SPAG9: variants seen among roughly 807,000 people sequenced by gnomAD.
SPAG9 encodes sperm associated antigen 9.
In SPAG9, 35 loss-of-function variants were observed where a neutral mutation model predicts 166.5. The ratio of observed to expected loss-of-function variants is 0.21; its 90% CI spans 0.16 to 0.28. The LOEUF is 0.28. Ranked by LOEUF, SPAG9 falls within the 10% of genes least tolerant of loss-of-function variation. The pLI, the probability that SPAG9 is intolerant of heterozygous loss-of-function variation, is 1.00. For synonymous variants in SPAG9, 534 were observed against 565.5 expected, an observed-to-expected ratio of 0.94 and a Z score of 0.79; for missense variants, 1,235 against 1,603.3, an observed-to-expected ratio of 0.77 and a Z score of 3.92.
chr17:51,031,372 G>C, intron 6 of SPAG9: 1 of 364,994 alleles, frequency 2.7e-6, no homozygotes, highest in Non-Finnish European at 5.1e-6. Flanking sequence ...CCCTGAAGAA[G>C]GTATTTCTGG....
At chr17:51,018,045 G>T (rs888307985) in intron 8 of SPAG9, among the ~76,000 whole-genome samples, 1 of 152,094 alleles carries the variant, frequency 6.6e-6, no homozygotes, top group African/African-American at 2.4e-5. Context: ...ACATTCTTGA[G>T]CATCAATGTA....
chr17:51,069,426 T>C (rs1471954824), intron 2 of SPAG9, among the ~76,000 whole-genome samples: 3 of 152,080 alleles, frequency 2.0e-5, no homozygotes, highest in Admixed American at 2.0e-4. Flanking sequence ...TTTAGGTGAT[T>C]TGAAAAACAG....
In SPAG9 at chr17:50,998,574, G is replaced by C. The variant is rs1360327506; in HGVS notation, c.1708C>G (p.Pro570Ala). The C allele has an allele frequency of 1.2e-6, 2 of 1,614,114 alleles. No homozygotes were observed. The highest frequency in any genetic ancestry group is 1.3e-5 in the African/African-American group (1 of 75,030). Reference protein sequence around the residue: ...FSSSSNTTKKPEPPVNLKYNA... With the variant: ...FSSSSNTTKKAEPPVNLKYNA... ...TACTTCAGATTAACAGGTGGTTCAG[G>C]CTTCTTAGTCGTGTTACTTGAGGAG... The change falls in exon 15 of 30, where the codon CCT becomes GCT. Residue 570 changes from proline to alanine, a missense_variant. Pro to Ala is a conservative substitution (Grantham distance 27). Coordinates refer to ENST00000262013, the MANE Select transcript of SPAG9 (RefSeq NM_001130528.3).
At chr17:51,032,059 A>G (rs2046404987) in intron 5 of SPAG9, among the ~76,000 whole-genome samples, 2 of 152,216 alleles carry the variant, frequency 1.3e-5, no homozygotes, top group Non-Finnish European at 2.9e-5. Flanking sequence ...ACATGCTAAT[A>G]ATCCAGTGCA....
At chr17:51,053,783 C>T (rs1350519397) in intron 3 of SPAG9, among the ~76,000 whole-genome samples, 4 of 135,218 alleles carry the variant, frequency 3.0e-5, no homozygotes, top group Non-Finnish European at 6.3e-5. Context: ...GGCTGCAGTG[C>T]GCTATGACTG....
intron 12 of SPAG9, among the ~76,000 whole-genome samples, chr17:51,002,132 C>T (rs2044981515): frequency 6.6e-6 from 1 of 152,126 alleles, no homozygotes; most frequent in Admixed American, 6.6e-5. Flanking sequence ...CTGCCCACCC[C>T]AGCCTCCTGA....
intron 1 of SPAG9, among the ~76,000 whole-genome samples, chr17:51,108,572 T>C (rs143846953): frequency 5.3e-5 from 8 of 152,076 alleles, no homozygotes; most frequent in Middle Eastern, 3.4e-3. Flanking sequence ...TCAGGGGTCA[T>C]TGCAACCTCA....
intron 5 of SPAG9, among the ~76,000 whole-genome samples, chr17:51,034,475 G>A (rs1462658815): frequency 6.6e-6 from 1 of 152,006 alleles, no homozygotes; most frequent in African/African-American, 2.4e-5. Flanking sequence ...AAAAGGATGG[G>A]GTATGTCAAA....
At chr17:51,066,770 T>C (rs1233667555) in intron 2 of SPAG9, among the ~76,000 whole-genome samples, 1 of 151,674 alleles carries the variant, frequency 6.6e-6, no homozygotes, top group Non-Finnish European at 1.5e-5. Context: ...CACACTCCTG[T>C]AGTCCCAGCT....
At chr17:50,999,496 T>TAA (rs377700707) in intron 14 of SPAG9, 165 bp downstream of exon 14, 1,873 of 1,276,846 alleles carry the variant, frequency 1.5e-3, no homozygotes, top group South Asian at 2.5e-3. Flanking sequence ...CACTATATAT[T>TAA]AAAAAAAAAA....
rs1313229023 is a variant in SPAG9, at chr17:50,966,188, A to T, written c.*84T>A. On this transcript the variant is annotated 3_prime_UTR_variant, in exon 30 of 30. Transcript: ENST00000262013. Reference sequence around the variant, plus strand: ...CATTATGTGGTGAAACTTATCTCACAAAAGAGCATTAAATAAAAGGATAGA... The same window carrying T: ...CATTATGTGGTGAAACTTATCTCACTAAAGAGCATTAAATAAAAGGATAGA... 2.3e-6 allele frequency: 2 copies of T among 868,796 alleles called. No homozygotes were observed. Among genetic ancestry groups the T allele is most frequent in the African/African-American group, 3.3e-5 (2 of 59,976 alleles). The allele number at this position is 868,796 out of a possible 1,614,324, so 53.8% of individuals were successfully genotyped here.
In SPAG9 at chr17:50,963,311, A is replaced by C. The variant is rs1216856290; in HGVS notation, c.*2961T>G. The C allele has an allele frequency of 5.3e-5, 8 of 152,224 alleles. No individual in the cohort carries two copies. In the East Asian group the frequency reaches 1.5e-3, roughly 29 times the overall value. 9.4% of individuals were successfully genotyped at this position (152,224 alleles called of 1,614,324 possible). ...GTTACATTCCTTTGCTGCTTGTGAG[A>C]AGCTTACATTTTGGCATTTTCTTCC... is the stretch of plus-strand genomic sequence containing the variant. On this transcript the variant is annotated 3_prime_UTR_variant, in exon 30 of 30. Transcript: ENST00000262013.
Position 50,995,103 on chromosome 17 carries a change from C to A in SPAG9, c.2180G>T (p.Arg727Leu), listed in dbSNP as rs201501137. The A allele has an allele frequency of 6.2e-7, 1 of 1,613,970 alleles. No individual in the cohort carries two copies. The highest frequency in any genetic ancestry group is 1.7e-5 in the Admixed American group (1 of 59,998). The change falls in exon 18 of 30, where the codon CGA becomes CTA. Residue 727 changes from arginine to leucine, a missense_variant. By Grantham distance (102) the Arg-to-Leu change is moderately radical. Coordinates refer to ENST00000262013, the MANE Select transcript of SPAG9 (RefSeq NM_001130528.3). ...AGLDTEGSKQ[R>L]SASQSSLDKL... ...ATCTAAACTACTCTGAGAGGCACTT[C>A]GCTGTTTACTGCCTTCTGTATCCAA...
chr17:51,064,606 G>T (rs2047609109), intron 2 of SPAG9, among the ~76,000 whole-genome samples: 1 of 152,142 alleles, frequency 6.6e-6, no homozygotes, highest in Non-Finnish European at 1.5e-5. Context: ...ACCATATATT[G>T]TATGATCCTA....
chr17:51,004,256 T>C (rs1055881597), intron 12 of SPAG9, among the ~76,000 whole-genome samples: 7 of 152,220 alleles, frequency 4.6e-5, no homozygotes, highest in African/African-American at 1.7e-4. Context: ...GTTCTAATTA[T>C]CAGATTGGGT....
chr17:51,077,065 GCTAGCTATCTAGCTAT>G (rs1436849967), intron 2 of SPAG9, among the ~76,000 whole-genome samples: 1 of 114,270 alleles, frequency 8.8e-6, no homozygotes, highest in East Asian at 2.5e-4. Context: ...TAGCTATCTA[GCTAGCTATCTAGCTAT>G]CTAGCTAGCT....
At chr17:50,985,559 T>A in intron 23 of SPAG9, 139 bp downstream of exon 23, 2 of 574,780 alleles carry the variant, frequency 3.5e-6, no homozygotes, top group Non-Finnish European at 6.2e-6. Flanking sequence ...CTTCTCTAGT[T>A]CCATAAAAAG....
intron 16 of SPAG9, chr17:50,995,825 A>G: frequency 2.4e-5 from 7 of 289,606 alleles, no homozygotes; most frequent in South Asian, 1.3e-4. Flanking sequence ...CACCACACCC[A>G]GCTAATTTTT....
In SPAG9 at chr17:50,998,489, T is replaced by C; in HGVS notation, c.1793A>G (p.Gln598Arg). The C allele has an allele frequency of 6.2e-7, 1 of 1,613,210 alleles. No homozygotes were observed. ...SVKKRSSTLS[Q>R]LPGDKSKAFD... ...GGCTTTGGACTTATCCCCAGGGAGC[T>C]GAGATAAGGTGCTGCTTCTTTTCTT... The change falls in exon 15 of 30, where the codon CAG becomes CGG. Residue 598 changes from glutamine (Q) to arginine (R), a missense_variant. Physicochemically the swap from Gln to Arg is conservative, Grantham distance 43 (BLOSUM62 1). Transcript: ENST00000262013.
Sources: gnomAD v4.1 joint callset for allele counts (sites outside exome capture counted in the v4.1 genomes callset) on GRCh38, gnomAD v4.1.1 for gene constraint, MANE v1.5 for transcripts, NCBI Gene and HGNC (gene_info 2026-07-23, HGNC 2026-07-21) for gene names.